Variants in ZNF326 observed in about 807,000 individuals in gnomAD.
ZNF326 encodes DBIRD complex subunit ZNF326.
Under a neutral mutation model 63.1 loss-of-function variants are expected in ZNF326, and 30 were observed. The observed-to-expected ratio is 0.48, with a 90% CI of 0.36 to 0.64. The LOEUF is 0.64. ZNF326 is among the 30% of genes least tolerant of loss of function. The pLI is 0.00. For missense variants in ZNF326, 609 were observed against 720.3 expected (o/e 0.85, Z 1.77); for synonymous variants, 194 against 228.2 (o/e 0.85, Z 1.35).
chr1:90,004,990 G>T lies in ZNF326; in HGVS notation c.62-13G>T. 1 of 1,612,320 alleles carries T rather than the reference G, an allele frequency of 6.2e-7. No homozygotes were observed. Among genetic ancestry groups the T allele is most frequent in the Non-Finnish European group, 8.5e-7 (1 of 1,178,836 alleles). On this transcript the variant is annotated splice_polypyrimidine_tract_variant and intron_variant, in intron 2 of 11. Transcript: ENST00000340281. ...TGTATTTTACTGACAATTTCTTATT[G>T]ACTCTCTTTTAGGAATGGATCGTGA...
rs1250008558 is a variant in ZNF326 at position 90,032,848 on chromosome 1, G to A, written c.*5147G>A. 6.6e-6 allele frequency: 1 copy of A among 152,246 alleles called. No homozygotes were observed. Among genetic ancestry groups the A allele is most frequent in the Non-Finnish European group, 1.5e-5 (1 of 68,058 alleles). The allele number at this position is 152,246 out of a possible 1,614,324, so 9.4% of individuals were successfully genotyped here. On this transcript the variant is annotated 3_prime_UTR_variant, in exon 12 of 12. Transcript: ENST00000340281. The stretch of plus-strand genomic sequence containing the variant: ...ATAAGGTGAGACTCACAGAGTATAT[G>A]TGCAGAGCATATAATGCAGAGCATA...
intron 2 of ZNF326, among the ~76,000 whole-genome samples, chr1:90,002,212 T>G (rs1648719467): frequency 6.6e-6 from 1 of 152,200 alleles, no homozygotes. Context: ...AGTAGTAACA[T>G]TACTATGAAC....
rs539609405 is a variant in ZNF326, at chr1:90,027,725, G to A, written c.*24G>A. 20 of 1,607,424 alleles carry A rather than the reference G, an allele frequency of 1.2e-5. No individual in the cohort carries two copies. In the South Asian group the frequency reaches 1.9e-4, roughly 15 times the overall value. On this transcript the variant is annotated 3_prime_UTR_variant, in exon 12 of 12. Transcript: ENST00000340281. ...AAATATAAGGTATTAGATTTAAAAG[G>A]AGCTTTACATTTCGGTTCTAATGTA...
In ZNF326 at chr1:90,029,521, A is replaced by T. The variant is rs1480482457; in HGVS notation, c.*1820A>T. On this transcript the variant is annotated 3_prime_UTR_variant, in exon 12 of 12. Coordinates refer to ENST00000340281, the MANE Select transcript of ZNF326 (RefSeq NM_182976.4). ...CTTGTTACCCTCTTATTTCTCCTTT[A>T]TTTTTAAAAATATTTGTGGAAGGGC... 1.3e-5 allele frequency: 2 copies of T among 152,142 alleles called. No homozygotes were observed. The highest frequency in any genetic ancestry group is 4.8e-5 in the African/African-American group (2 of 41,430). The allele number at this position is 152,142 out of a possible 1,614,324, so 9.4% of individuals were successfully genotyped here. A position where few individuals can be genotyped will look rare whatever the true frequency, so the allele number is the denominator to read the frequency against.
chr1:89,998,434 A>G (rs1648508945), intron 2 of ZNF326, among the ~76,000 whole-genome samples: 1 of 152,166 alleles, frequency 6.6e-6, no homozygotes, highest in African/African-American at 2.4e-5. Context: ...GTGATGAATC[A>G]CAAGACACTG....
chr1:90,001,869 T>A (rs758549601), intron 2 of ZNF326, among the ~76,000 whole-genome samples: 8 of 152,160 alleles, frequency 5.3e-5, no homozygotes, highest in Non-Finnish European at 1.0e-4. Flanking sequence ...ATAGGTCAGT[T>A]TTTTTTCCCC....
chr1:90,004,107 G>GT (rs942270330), intron 2 of ZNF326, among the ~76,000 whole-genome samples: 1 of 150,582 alleles, frequency 6.6e-6, no homozygotes, highest in Non-Finnish European at 1.5e-5. Context: ...TACCTCTTTT[G>GT]TTTTATTTTT....
chr1:90,020,758 A>G, intron 9 of ZNF326, 34 bp from the exon 10 acceptor site: 1 of 1,580,588 alleles, frequency 6.3e-7, no homozygotes. Flanking sequence ...ATAACATATG[A>G]ATTATTTCTT....
chr1:90,010,064 T>C, intron 5 of ZNF326, 24 bp from the exon 6 acceptor site: 1 of 1,606,506 alleles, frequency 6.2e-7, no homozygotes, highest in Non-Finnish European at 8.5e-7. Context: ...TATGCTAATA[T>C]TTATTGATTT....
In ZNF326 at chr1:90,034,008, A is replaced by G. The variant is rs553332136; in HGVS notation, c.*6307A>G. ...AAGTCTCCAGTGCTGAGCAAAAACA[A>G]TGAAAAAGTCATGCAGGATGAATAC... On this transcript the variant is annotated 3_prime_UTR_variant, in exon 12 of 12. Coordinates refer to ENST00000340281, the MANE Select transcript of ZNF326 (RefSeq NM_182976.4). 1 of 152,254 alleles carries G rather than the reference A, an allele frequency of 6.6e-6. No homozygotes were observed. The highest frequency in any genetic ancestry group is 1.5e-5 in the Non-Finnish European group (1 of 67,984). 9.4% of individuals were successfully genotyped at this position (152,254 alleles called of 1,614,324 possible). A position where few individuals can be genotyped will look rare whatever the true frequency, so the allele number is the denominator to read the frequency against.
chr1:90,023,291 G>T (rs567922295), intron 11 of ZNF326, among the ~76,000 whole-genome samples: 1 of 152,158 alleles, frequency 6.6e-6, no homozygotes, highest in Non-Finnish European at 1.5e-5. Flanking sequence ...GAGAGCTGTT[G>T]TGTTGAGGAT....
rs1355035219 is a variant in ZNF326, at chr1:89,996,606, G to A, written c.16+1333G>A. ...ATGAATATTTGGGCTGGGCACGATG[G>A]CTCACACCTGTAATCTCAGCACTTT... On this transcript the variant is annotated intron_variant, in intron 1 of 11. Transcript: ENST00000340281. 2.0e-5 allele frequency among the ~76,000 whole-genome samples: 3 copies of A among 152,122 alleles called. No individual in the cohort carries two copies. In the East Asian group the frequency reaches 5.8e-4, roughly 29 times the overall value.
intron 2 of ZNF326, among the ~76,000 whole-genome samples, chr1:90,004,764 A>G (rs950793901): frequency 1.5e-5 from 2 of 131,330 alleles, no homozygotes; most frequent in African/African-American, 2.8e-5. Context: ...AGAACTTTTT[A>G]GTTGAAAATA....
intron 2 of ZNF326, among the ~76,000 whole-genome samples, chr1:90,001,104 A>G (rs1648653674): frequency 6.6e-6 from 1 of 152,100 alleles, no homozygotes; most frequent in South Asian, 2.1e-4. Flanking sequence ...TGCATTGTGG[A>G]ACATTTAGCA....
chr1:90,020,130 C>T (rs575807841), intron 9 of ZNF326, among the ~76,000 whole-genome samples: 2 of 152,112 alleles, frequency 1.3e-5, no homozygotes, highest in Non-Finnish European at 2.9e-5. Context: ...TCTTATCTTA[C>T]GATTTTATTA....
At position 90,031,112 on chromosome 1, in the gene ZNF326, T is replaced by C. The variant is rs571726785; in HGVS notation, c.*3411T>C. ...AGGCAGGAGTTTCCGCCCTTTTGAA[T>C]ATAAACATAGGTTTGGGGGATTCTT... On this transcript the variant is annotated 3_prime_UTR_variant, in exon 12 of 12. Transcript: ENST00000340281. 5 of 152,336 alleles carry C rather than the reference T, an allele frequency of 3.3e-5. No individual in the cohort carries two copies. The East Asian group carries it at 9.6e-4, about 29-fold the overall frequency. 9.4% of individuals were successfully genotyped at this position (152,336 alleles called of 1,614,324 possible). A position where few individuals can be genotyped will look rare whatever the true frequency, so the allele number is the denominator to read the frequency against.
chr1:90,007,874 T>A lies in ZNF326; in HGVS notation c.615+124T>A. The A allele has an allele frequency of 1.0e-6, 1 of 980,146 alleles. No homozygotes were observed. Among genetic ancestry groups the A allele is most frequent in the Non-Finnish European group, 1.4e-6 (1 of 737,186 alleles). 60.7% of individuals were successfully genotyped at this position (980,146 alleles called of 1,614,324 possible). ...GGTGTATTTTGAAGCAAAAGCTGAG[T>A]CATAAACATAATTTTTAGGTTGACT... On this transcript the variant is annotated intron_variant, in intron 5 of 11. Coordinates refer to ENST00000340281, the MANE Select transcript of ZNF326 (RefSeq NM_182976.4). This position sits in a 1 kb window ranked among gnomAD's most constrained non-coding sequence, Gnocchi z 4.9.
intron 6 of ZNF326, among the ~76,000 whole-genome samples, chr1:90,010,983 G>A (rs1649206888): frequency 6.6e-6 from 1 of 152,070 alleles, no homozygotes; most frequent in African/African-American, 2.4e-5. Flanking sequence ...TTGATAGACT[G>A]TTATGTATCA....
chr1:90,031,978 C>T lies in ZNF326; in HGVS notation c.*4277C>T, dbSNP rs1189875674. On this transcript the variant is annotated 3_prime_UTR_variant, in exon 12 of 12. Transcript: ENST00000340281. ...GTTCATTTTATAAATAAACAATTGA[C>T]TTTTTTTGGTAGTTATGGTCCCTAC... 1 of 152,128 alleles carries T rather than the reference C, an allele frequency of 6.6e-6. No individual in the cohort carries two copies. 9.4% of individuals were successfully genotyped at this position (152,128 alleles called of 1,614,324 possible). A position where few individuals can be genotyped will look rare whatever the true frequency, so the allele number is the denominator to read the frequency against.
Sources: allele counts gnomAD v4.1 joint callset (sites outside exome capture counted in the v4.1 genomes callset), GRCh38; gene constraint gnomAD v4.1.1; non-coding constraint Gnocchi (gnomAD v3.1); transcripts MANE v1.5; gene names NCBI Gene and HGNC (gene_info 2026-07-23, HGNC 2026-07-21).